Variants in RANBP2 observed in about 807,000 individuals in gnomAD.
RANBP2 encodes E3 SUMO-protein ligase RanBP2.
RANBP2 carries 57 observed loss-of-function variants against 303.6 expected under a neutral mutation model. The observed-to-expected ratio is 0.19, with a 90% CI of 0.15 to 0.23. The LOEUF (loss-of-function observed/expected upper bound fraction) is 0.23. Among genes scored for constraint, RANBP2 ranks in the 10% least tolerant of loss-of-function variants. The pLI, the probability that RANBP2 is intolerant of heterozygous loss-of-function variation, is 1.00. For missense variants in RANBP2, 3,138 were observed against 3,780.8 expected (o/e 0.83, Z 4.46); for synonymous variants, 1,167 against 1,301.5 (o/e 0.90, Z 2.23).
At chr2:109,207,489 A>G in the RANBP2 span, among the ~76,000 whole-genome samples, 9 of 152,176 alleles carry the variant, frequency 5.9e-5, no homozygotes, top group Non-Finnish European at 1.2e-4. Context: ...ATGCAGCAGA[A>G]CCATCTGCCT....
chr2:109,485,637 TCTC>T, the RANBP2 span, among the ~76,000 whole-genome samples: 1 of 152,252 alleles, frequency 6.6e-6, no homozygotes, highest in Non-Finnish European at 1.5e-5. Flanking sequence ...CCTTCAAAAT[TCTC>T]CTTTTTAAAT....
the RANBP2 span, among the ~76,000 whole-genome samples, chr2:109,374,858 G>A: frequency 8.5e-5 from 13 of 152,278 alleles, no homozygotes; most frequent in Admixed American, 6.5e-5. Flanking sequence ...TCCCATCAGC[G>A]CAGCTCAGGC....
chr2:109,111,267 G>A, the RANBP2 span, among the ~76,000 whole-genome samples: 1 of 152,038 alleles, frequency 6.6e-6, no homozygotes, highest in Non-Finnish European at 1.5e-5. Context: ...TTTTTTCGAA[G>A]CAGAACTTGT....
At chr2:109,130,509 C>T in the RANBP2 span, among the ~76,000 whole-genome samples, 2 of 152,174 alleles carry the variant, frequency 1.3e-5, no homozygotes, top group East Asian at 1.9e-4. Flanking sequence ...TAGCCCTTAA[C>T]GTTTCTGACA....
chr2:109,107,080 G>A, the RANBP2 span, among the ~76,000 whole-genome samples: 4 of 151,802 alleles, frequency 2.6e-5, no homozygotes, highest in Admixed American at 6.6e-5. Context: ...TGGGATTACA[G>A]GCACCTGCCA....
chr2:108,743,853 A>G lies in RANBP2; in HGVS notation c.976-2858A>G, dbSNP rs577730556. The stretch of plus-strand genomic sequence containing the variant: ...TACTTCAGTCTTTATTAACTACCAC[A>G]TATTTCTGTAGAATGAATATATAAT... On this transcript the variant is annotated intron_variant, in intron 7 of 28. Coordinates refer to ENST00000283195, the MANE Select transcript of RANBP2 (RefSeq NM_006267.5). Among the ~76,000 whole-genome samples the G allele has an allele frequency of 1.0e-3, 159 of 152,326 alleles. 4 individuals carry two copies. The South Asian group carries it at 0.021, about 20-fold the overall frequency.
At chr2:108,910,312 A>C in the RANBP2 span, 2 of 674,062 alleles carry the variant, frequency 3.0e-6, no homozygotes, top group Middle Eastern at 4.1e-4. Context: ...GCCAGTCAGC[A>C]AAGAGGTGGT....
chr2:109,203,490 A>C, the RANBP2 span, among the ~76,000 whole-genome samples: 1 of 152,128 alleles, frequency 6.6e-6, no homozygotes, highest in East Asian at 1.9e-4. Context: ...CCTAAGTCCC[A>C]CCGCTCCCCA....
the RANBP2 span, among the ~76,000 whole-genome samples, chr2:109,249,583 C>T: frequency 0.43 from 35,414 of 82,508 alleles, 7,450 homozygotes; most frequent in East Asian, 0.45. Context: ...TTCCTTCCTT[C>T]CTTTCCTTTC....
At chr2:109,686,736 TGAGTAG>T in the RANBP2 span, among the ~76,000 whole-genome samples, 26 of 152,174 alleles carry the variant, frequency 1.7e-4, no homozygotes, top group Admixed American at 3.9e-4. Context: ...CTCAGCCTCC[TGAGTAG>T]CTGGGACCAG....
chr2:109,545,899 G>A, the RANBP2 span: 2 of 1,434,620 alleles, frequency 1.4e-6, no homozygotes, highest in Non-Finnish European at 1.9e-6. Flanking sequence ...TGAACAAGAG[G>A]GACAAGGTCT....
the RANBP2 span, among the ~76,000 whole-genome samples, chr2:109,304,565 G>T: frequency 1.6e-4 from 24 of 152,286 alleles, no homozygotes; most frequent in Admixed American, 1.4e-3. Context: ...GGTTAACTCC[G>T]CTGCACCCGT....
intron 8 of RANBP2, among the ~76,000 whole-genome samples, chr2:108,747,813 T>C (rs1481918226): frequency 1.3e-5 from 2 of 152,234 alleles, no homozygotes; most frequent in Non-Finnish European, 2.9e-5. Flanking sequence ...ATATAATTCA[T>C]ATACCATACG....
the RANBP2 span, among the ~76,000 whole-genome samples, chr2:109,252,266 A>C: frequency 1.3e-5 from 2 of 151,804 alleles, no homozygotes; most frequent in African/African-American, 2.4e-5. Context: ...AAAAAAAAAA[A>C]AACTTTCAAC....
the RANBP2 span, among the ~76,000 whole-genome samples, chr2:108,989,822 G>GC: frequency 2.0e-5 from 3 of 151,596 alleles, no homozygotes; most frequent in Admixed American, 6.6e-5. Flanking sequence ...GATTGGGGGG[G>GC]GGAAAACAGC....
At chr2:108,896,032 C>T in the RANBP2 span, 1 of 152,234 alleles carries the variant, frequency 6.6e-6, no homozygotes, top group Admixed American at 6.5e-5. Context: ...ATTGCTGCCC[C>T]TAAAAGGTCA....
chr2:109,074,133 G>A, the RANBP2 span, among the ~76,000 whole-genome samples: 3 of 150,820 alleles, frequency 2.0e-5, no homozygotes, highest in East Asian at 1.9e-4. Context: ...TAGGAAGGCC[G>A]AGACGAGCAG....
chr2:109,500,233 G>A, the RANBP2 span, among the ~76,000 whole-genome samples: 1 of 152,188 alleles, frequency 6.6e-6, no homozygotes, highest in African/African-American at 2.4e-5. Flanking sequence ...TATAGGCAGA[G>A]GTGAGGCCCA....
chr2:109,562,711 G>T, the RANBP2 span, among the ~76,000 whole-genome samples: 4 of 152,094 alleles, frequency 2.6e-5, no homozygotes, highest in Non-Finnish European at 5.9e-5. Flanking sequence ...AGTGCACAGA[G>T]GCCTCTGAAG....
Sources: allele counts gnomAD v4.1 joint callset (sites outside exome capture counted in the v4.1 genomes callset), GRCh38; gene constraint gnomAD v4.1.1; transcripts MANE v1.5; gene names NCBI Gene and HGNC (gene_info 2026-07-23, HGNC 2026-07-21).